EFCAB6: variants seen among roughly 807,000 people sequenced by gnomAD.
EFCAB6 encodes EF-hand calcium-binding domain-containing protein 6.
A neutral mutation model predicts 169.8 loss-of-function variants in EFCAB6; 156 were observed. The observed-to-expected ratio is 0.92, with a 90% CI of 0.81 to 1.05. The LOEUF (loss-of-function observed/expected upper bound fraction) is 1.05. Among genes scored for constraint, EFCAB6 ranks in the 50% least tolerant of loss-of-function variants. EFCAB6 has a pLI of 0.00. For missense variants in EFCAB6, 1,800 were observed against 1,829.1 expected (o/e 0.98, Z 0.29); for synonymous variants, 698 against 676.4 (o/e 1.03, Z -0.50).
intron 26 of EFCAB6, chr22:43,570,208 G>C (rs535372574): frequency 6.6e-6 from 1 of 152,234 alleles, no homozygotes; most frequent in Middle Eastern, 3.4e-3. Context: ...AGTGAGGAAA[G>C]ATCTCATTGG....
At chr22:43,742,186 G>GT (rs560846674) in intron 6 of EFCAB6, among the ~76,000 whole-genome samples, 9 of 152,194 alleles carry the variant, frequency 5.9e-5, no homozygotes, top group African/African-American at 1.2e-4. Context: ...GCTAAGAATG[G>GT]TTTTTAACAT....
chr22:43,740,005 C>A (rs373502145), intron 6 of EFCAB6, among the ~76,000 whole-genome samples: 1 of 146,634 alleles, frequency 6.8e-6, no homozygotes, highest in East Asian at 1.9e-4. Context: ...TCTCCCTCCA[C>A]CTGCCCCCCA....
chr22:43,582,238 T>G (rs1015000530), intron 24 of EFCAB6, among the ~76,000 whole-genome samples: 1 of 152,178 alleles, frequency 6.6e-6, no homozygotes, highest in African/African-American at 2.4e-5. Flanking sequence ...GCATATGAAT[T>G]CTTGTTCAGC....
chr22:43,672,121 C>A lies in EFCAB6; in HGVS notation c.1492G>T (p.Val498Phe). 1 of 1,613,232 alleles carries A rather than the reference C, an allele frequency of 6.2e-7. No individual in the cohort carries two copies. The highest frequency in any genetic ancestry group is 8.5e-7 in the Non-Finnish European group (1 of 1,179,750). ...AGGTTCCTAGTAATTGTATCATGAA[C>A]AATTTCTTCCACCTAACATTAAAAA... ...LLAWDSVEEI[V>F]HDTITRNLQA... The change falls in exon 15 of 32, where the codon GTT becomes TTT. Residue 498 changes from valine (V) to phenylalanine (F), a missense_variant. By Grantham distance (50) the Val-to-Phe change is conservative (BLOSUM62 -1). Transcript: ENST00000262726.
At chr22:43,728,983 C>T (rs1452935326) in intron 8 of EFCAB6, among the ~76,000 whole-genome samples, 2 of 152,202 alleles carry the variant, frequency 1.3e-5, no homozygotes, top group Non-Finnish European at 2.9e-5. Context: ...AGTCTTTGCC[C>T]ACGCCTATGT....
intron 6 of EFCAB6, among the ~76,000 whole-genome samples, chr22:43,749,774 A>G (rs2060690676): frequency 6.6e-6 from 1 of 152,174 alleles, no homozygotes; most frequent in Non-Finnish European, 1.5e-5. Context: ...CTTCCCACGT[A>G]AGAACTCGCA....
At chr22:43,550,138 G>T (rs554938535) in intron 27 of EFCAB6, among the ~76,000 whole-genome samples, 1 of 152,330 alleles carries the variant, frequency 6.6e-6, no homozygotes, top group South Asian at 2.1e-4. Context: ...AGGTGGGGAA[G>T]GCTGAAGTTC....
rs62226081 is a variant in EFCAB6, at chr22:43,749,130, C to T, written c.507+6636G>A. Among the ~76,000 whole-genome samples, 606 of 152,172 alleles carry T rather than the reference C, an allele frequency of 4.0e-3. 4 individuals carry two copies. Among genetic ancestry groups the T allele is most frequent in the Non-Finnish European group, 7.0e-3 (478 of 68,016 alleles). ...GGATACAGTAGACATAACTTGCTGA[C>T]GGCCTGCATATGGGAGGGGCACTGG... On this transcript the variant is annotated intron_variant, in intron 6 of 31. Transcript: ENST00000262726.
chr22:43,595,737 A>G (rs1437073897), intron 23 of EFCAB6, among the ~76,000 whole-genome samples: 1 of 152,170 alleles, frequency 6.6e-6, no homozygotes, highest in Non-Finnish European at 1.5e-5. Context: ...AATACTTGCA[A>G]ACTTATTCTA....
At chr22:43,789,299 A>T (rs1209367603) in intron 2 of EFCAB6, among the ~76,000 whole-genome samples, 1 of 152,174 alleles carries the variant, frequency 6.6e-6, no homozygotes, top group African/African-American at 2.4e-5. Flanking sequence ...ATTAGAAAAA[A>T]GGAGGAAGAG....
At chr22:43,748,409 G>A (rs1385215693) in intron 6 of EFCAB6, among the ~76,000 whole-genome samples, 1 of 152,040 alleles carries the variant, frequency 6.6e-6, no homozygotes, top group Admixed American at 6.6e-5. Context: ...GCCACAGCCC[G>A]GCTTCCCTCT....
chr22:43,608,406 G>T, intron 22 of EFCAB6, 76 bp downstream of exon 22: 1 of 1,308,292 alleles, frequency 7.6e-7, no homozygotes, highest in Non-Finnish European at 1.1e-6. Context: ...ATGTAGGAAA[G>T]ATTAGGCTGA....
chr22:43,574,412 T>C (rs1384870512), intron 26 of EFCAB6, among the ~76,000 whole-genome samples: 2 of 152,102 alleles, frequency 1.3e-5, no homozygotes, highest in Admixed American at 6.5e-5. Context: ...CTCAGGTGGC[T>C]ACATGACTTC....
chr22:43,556,790 A>C (rs2048732866), intron 26 of EFCAB6, among the ~76,000 whole-genome samples: 1 of 152,224 alleles, frequency 6.6e-6, no homozygotes, highest in African/African-American at 2.4e-5. Context: ...TCCACCATGC[A>C]AAGGCTAACG....
At chr22:43,694,579 G>A (rs758429144) in intron 10 of EFCAB6, among the ~76,000 whole-genome samples, 2 of 151,926 alleles carry the variant, frequency 1.3e-5, no homozygotes, top group Non-Finnish European at 2.9e-5. Context: ...AATAGACTCA[G>A]GTAACATATG....
Position 43,765,340 on chromosome 22 carries a change from A to T in EFCAB6, c.405T>A (p.Phe135Leu), listed in dbSNP as rs771812363. 18 of 1,612,778 alleles carry T rather than the reference A, an allele frequency of 1.1e-5. No homozygotes were observed. Among genetic ancestry groups the T allele is most frequent in the Non-Finnish European group, 1.5e-5 (18 of 1,179,200 alleles). ...CATTTATATATAGGTCAATTCCACC[A>T]AACCTGGACAGAAAGGCAAGGTACG... Reference protein sequence around the residue: ...TVPYLAFLSRFGGIDLYINGI... With the variant: ...TVPYLAFLSRLGGIDLYINGI... Residue 135 changes from phenylalanine (F) to leucine (L), a missense_variant, in exon 5 of 32, where the codon TTT becomes TTA. Transcript: ENST00000262726.
intron 2 of EFCAB6, among the ~76,000 whole-genome samples, chr22:43,789,153 T>C (rs2062181671): frequency 6.6e-6 from 1 of 152,042 alleles, no homozygotes; most frequent in African/African-American, 2.4e-5. Flanking sequence ...GGATACAGAG[T>C]TTCTTTTAGA....
rs1249034177 is a variant in EFCAB6 at position 43,687,628 on chromosome 22, C to G, written c.1032-47G>C. On this transcript the variant is annotated intron_variant, in intron 10 of 31. Transcript: ENST00000262726. ...AAAAACATTACTTTAAACATTTTTT[C>G]TATAACACTGCATGGATTAGGTACT... 2.6e-6 allele frequency: 3 copies of G among 1,165,964 alleles called. No homozygotes were observed. In the African/African-American group the frequency reaches 4.6e-5, roughly 18 times the overall value. 72.2% of individuals were successfully genotyped at this position (1,165,964 alleles called of 1,614,324 possible).
chr22:43,644,656 T>C (rs559700676), intron 17 of EFCAB6, among the ~76,000 whole-genome samples: 1 of 152,260 alleles, frequency 6.6e-6, no homozygotes, highest in East Asian at 1.9e-4. Context: ...AAAATGTTCA[T>C]GTTTTCTTTT....
Sources: gnomAD v4.1 joint callset for allele counts (sites outside exome capture counted in the v4.1 genomes callset) on GRCh38, gnomAD v4.1.1 for gene constraint, MANE v1.5 for transcripts, NCBI Gene and HGNC (gene_info 2026-07-23, HGNC 2026-07-21) for gene names.